AGBL1: variants seen among roughly 807,000 people sequenced by gnomAD.
The protein encoded by AGBL1 is cytosolic carboxypeptidase 4.
A neutral mutation model predicts 118.9 loss-of-function variants in AGBL1; 130 were observed. The observed-to-expected ratio is 1.09, with a 90% CI of 0.95 to 1.26. The LOEUF (loss-of-function observed/expected upper bound fraction) is 1.26, where lower values mean the gene tolerates loss of function less well. Among genes scored for constraint, AGBL1 ranks in the 50% most tolerant of loss-of-function variants. AGBL1 has a pLI of 0.00. For missense variants in AGBL1, 1,584 were observed against 1,298.1 expected (o/e 1.22, Z -3.38); for synonymous variants, 555 against 478.9 (o/e 1.16, Z -2.08).
intron 21 of AGBL1, among the ~76,000 whole-genome samples, chr15:86,653,312 C>T (rs2085408202): frequency 6.6e-6 from 1 of 152,268 alleles, no homozygotes; most frequent in East Asian, 1.9e-4. Context: ...CCTTCAGTGC[C>T]TGCTCCTTTC....
chr15:86,955,956 T>C (rs908668962), intron 23 of AGBL1, among the ~76,000 whole-genome samples: 1 of 152,100 alleles, frequency 6.6e-6, no homozygotes, highest in East Asian at 1.9e-4. Flanking sequence ...TTTTACAAAA[T>C]AGTCTAGCAT....
At position 86,135,421 on chromosome 15, in the gene AGBL1, C is replaced by T. The variant is rs1389029050; in HGVS notation, c.52-6583C>T. ...TAACAACACAAAAGACAGACTAAAACACTGACACATAGTTGGCACTCTGTA... is the reference window on the plus strand; with the variant it reads ...TAACAACACAAAAGACAGACTAAAATACTGACACATAGTTGGCACTCTGTA... On this transcript the variant is annotated intron_variant, in intron 1 of 22. Transcript: ENST00000614907. Among the ~76,000 whole-genome samples, 8 of 152,298 alleles carry T rather than the reference C, an allele frequency of 5.3e-5. No individual in the cohort carries two copies. The East Asian group carries it at 1.5e-3, about 29-fold the overall frequency.
chr15:86,713,428 A>G (rs2086590890), intron 22 of AGBL1, among the ~76,000 whole-genome samples: 1 of 152,186 alleles, frequency 6.6e-6, no homozygotes, highest in Non-Finnish European at 1.5e-5. Flanking sequence ...AATTATGGCT[A>G]TGGAAGTGCA....
chr15:86,229,463 G>C (rs187971174), intron 6 of AGBL1, among the ~76,000 whole-genome samples: 18 of 152,126 alleles, frequency 1.2e-4, no homozygotes, highest in Non-Finnish European at 2.1e-4. Flanking sequence ...AACTGCCCCC[G>C]TGATTCAATT....
chr15:86,433,611 G>A (rs2081966846), intron 18 of AGBL1, among the ~76,000 whole-genome samples: 2 of 152,120 alleles, frequency 1.3e-5, no homozygotes, highest in South Asian at 2.1e-4. Flanking sequence ...AAGCCCAGTA[G>A]GGATGTTCCC....
chr15:86,869,091 T>C (rs1289824042), intron 22 of AGBL1, among the ~76,000 whole-genome samples: 2 of 152,206 alleles, frequency 1.3e-5, no homozygotes, highest in Non-Finnish European at 2.9e-5. Context: ...TGATAAATGC[T>C]TCTGAATTTG....
chr15:86,509,335 G>A (rs1393793489), intron 18 of AGBL1, among the ~76,000 whole-genome samples: 1 of 152,050 alleles, frequency 6.6e-6, no homozygotes, highest in East Asian at 1.9e-4. Context: ...GCAGGTGAGG[G>A]GATTTGAGAG....
chr15:86,756,141 G>A (rs569550787), intron 22 of AGBL1, among the ~76,000 whole-genome samples: 8 of 149,766 alleles, frequency 5.3e-5, no homozygotes, highest in African/African-American at 7.6e-5. Flanking sequence ...GGTAATATTA[G>A]CATTTGATGC....
chr15:86,483,180 G>C (rs554339269), intron 18 of AGBL1, among the ~76,000 whole-genome samples: 4 of 152,108 alleles, frequency 2.6e-5, no homozygotes, highest in Admixed American at 2.6e-4. Context: ...ATGATCTGAG[G>C]GTGCAGTTTT....
At chr15:86,124,733 T>C (rs978468781) in intron 1 of AGBL1, among the ~76,000 whole-genome samples, 9 of 152,112 alleles carry the variant, frequency 5.9e-5, no homozygotes, top group African/African-American at 2.2e-4. Context: ...TTCTTAAGAG[T>C]AAATGGTTAG....
chr15:86,781,282 T>C (rs117744906), intron 22 of AGBL1, among the ~76,000 whole-genome samples: 1 of 152,348 alleles, frequency 6.6e-6, no homozygotes, highest in East Asian at 1.9e-4. Context: ...GTTTTAGCTC[T>C]ATATTTCCTG....
At chr15:86,281,596 G>A (rs1436743323) in intron 16 of AGBL1, among the ~76,000 whole-genome samples, 2 of 152,128 alleles carry the variant, frequency 1.3e-5, no homozygotes, top group African/African-American at 4.8e-5. Context: ...AAGGGGTTGG[G>A]TGAAGTTGTC....
At chr15:86,233,682 G>T (rs1252370963) in intron 6 of AGBL1, among the ~76,000 whole-genome samples, 1 of 152,216 alleles carries the variant, frequency 6.6e-6, no homozygotes, top group Non-Finnish European at 1.5e-5. Flanking sequence ...TTGAAAATGT[G>T]TTAAATCTTA....
At chr15:86,662,084 C>G (rs1247758427) in intron 21 of AGBL1, among the ~76,000 whole-genome samples, 1 of 151,280 alleles carries the variant, frequency 6.6e-6, no homozygotes, top group Non-Finnish European at 1.5e-5. Context: ...TTATCCATAT[C>G]AAATGACCAT....
At chr15:86,304,568 T>G (rs2079807954) in intron 17 of AGBL1, among the ~76,000 whole-genome samples, 2 of 152,218 alleles carry the variant, frequency 1.3e-5, no homozygotes, top group East Asian at 1.9e-4. Flanking sequence ...ATGAAGCAGG[T>G]GCACAAGACA....
intron 3 of AGBL1, among the ~76,000 whole-genome samples, chr15:86,149,454 C>G (rs1293434825): frequency 6.6e-6 from 1 of 150,898 alleles, no homozygotes; most frequent in African/African-American, 2.4e-5. Flanking sequence ...AAATGGAAAG[C>G]AAAAAAAAGC....
intron 22 of AGBL1, among the ~76,000 whole-genome samples, chr15:86,685,880 G>C (rs1011216607): frequency 6.6e-6 from 1 of 152,074 alleles, no homozygotes; most frequent in Non-Finnish European, 1.5e-5. Flanking sequence ...CATAAAATGT[G>C]ATCTATATAA....
chr15:86,205,522 A>C (rs967900296), intron 5 of AGBL1, among the ~76,000 whole-genome samples: 1 of 152,248 alleles, frequency 6.6e-6, no homozygotes, highest in African/African-American at 2.4e-5. Context: ...CTTTGTAAGA[A>C]GCTGTCAAAC....
intron 18 of AGBL1, among the ~76,000 whole-genome samples, chr15:86,504,307 C>G (rs1162583062): frequency 6.6e-6 from 1 of 151,226 alleles, no homozygotes; most frequent in East Asian, 1.9e-4. Flanking sequence ...TCTTTGAATT[C>G]ACAGTATATC....
Sources: gnomAD v4.1 joint callset for allele counts (sites outside exome capture counted in the v4.1 genomes callset) on GRCh38, gnomAD v4.1.1 for gene constraint, MANE v1.5 for transcripts, NCBI Gene and HGNC (gene_info 2026-07-23, HGNC 2026-07-21) for gene names.